Variants in RBFOX1 observed in about 807,000 individuals in gnomAD.
The protein encoded by RBFOX1 is RNA binding fox-1 homolog 1.
In RBFOX1, 8 loss-of-function variants were observed where a neutral mutation model predicts 57.7. That is an observed-to-expected ratio of 0.14 (90% CI 0.08 to 0.25). The LOEUF (loss-of-function observed/expected upper bound fraction) is 0.25. Among genes scored for constraint, RBFOX1 ranks in the 10% least tolerant of loss-of-function variants. The probability of loss-of-function intolerance (pLI) is 1.00; values close to 1 mark genes in which losing one functional copy is unlikely to be tolerated. For synonymous variants in RBFOX1, 326 were observed against 222.4 expected, an observed-to-expected ratio of 1.47 and a Z score of -4.15; for missense variants, 611 against 548.5, an observed-to-expected ratio of 1.11 and a Z score of -1.14.
intron 4 of RBFOX1, among the ~76,000 whole-genome samples, chr16:5,977,454 G>A (rs78019274): frequency 3.9e-5 from 6 of 152,270 alleles, no homozygotes; most frequent in Admixed American, 2.6e-4. Flanking sequence ...GCGGTGCAGG[G>A]GAGATTAGTT....
intron 2 of RBFOX1, among the ~76,000 whole-genome samples, chr16:6,530,871 GA>G (rs1379498163): frequency 1.3e-5 from 2 of 152,020 alleles, no homozygotes; most frequent in Admixed American, 6.6e-5. Context: ...GGAATTGTAA[GA>G]GATATAATTC....
At chr16:6,327,187 GTTA>G (rs945223878) in intron 2 of RBFOX1, among the ~76,000 whole-genome samples, 1 of 152,066 alleles carries the variant, frequency 6.6e-6, no homozygotes, top group Non-Finnish European at 1.5e-5. Context: ...TGTGATTTGT[GTTA>G]TTATTTCTTC....
chr16:6,764,090 A>G (rs1295329399), intron 3 of RBFOX1, among the ~76,000 whole-genome samples: 1 of 152,188 alleles, frequency 6.6e-6, no homozygotes, highest in Admixed American at 6.5e-5. Context: ...GTGATCTTAA[A>G]GGTATGTGCA....
At chr16:5,401,085 A>G (rs977041318) in intron 1 of RBFOX1, among the ~76,000 whole-genome samples, 15 of 152,220 alleles carry the variant, frequency 9.9e-5, no homozygotes, top group African/African-American at 2.9e-4. Context: ...AAGGTCATCA[A>G]TATATCTCAG....
At chr16:5,792,695 T>G (rs1430287198) in intron 3 of RBFOX1, among the ~76,000 whole-genome samples, 1 of 152,020 alleles carries the variant, frequency 6.6e-6, no homozygotes, top group East Asian at 1.9e-4. Flanking sequence ...ATACAAAAAC[T>G]AGCCGGGCAT....
intron 4 of RBFOX1, among the ~76,000 whole-genome samples, chr16:7,215,713 G>A (rs1235614986): frequency 6.9e-6 from 1 of 145,346 alleles, no homozygotes; most frequent in Non-Finnish European, 1.5e-5. Context: ...TCTAAGAATT[G>A]GCCTATTCTG....
chr16:7,298,993 G>A (rs1193498577), intron 4 of RBFOX1, among the ~76,000 whole-genome samples: 1 of 152,184 alleles, frequency 6.6e-6, no homozygotes, highest in African/African-American at 2.4e-5. Flanking sequence ...CAATGGTGGA[G>A]TGAATATCCT....
intron 2 of RBFOX1, among the ~76,000 whole-genome samples, chr16:6,422,667 A>T: frequency 6.6e-6 from 1 of 152,268 alleles, no homozygotes; most frequent in East Asian, 1.9e-4. Context: ...AAAAGAGAAC[A>T]AGAGGGGCGG....
chr16:6,466,220 A>T (rs1165860582), intron 2 of RBFOX1, among the ~76,000 whole-genome samples: 1 of 146,708 alleles, frequency 6.8e-6, no homozygotes, highest in East Asian at 2.0e-4. Context: ...ACAGATTAAA[A>T]CTCTATCTCA....
intron 14 of RBFOX1, among the ~76,000 whole-genome samples, chr16:7,677,128 C>A (rs1466443062): frequency 7.3e-6 from 1 of 136,876 alleles, no homozygotes; most frequent in Admixed American, 7.6e-5. Context: ...TGCTCACATA[C>A]ACATACACAC....
chr16:6,735,403 A>G (rs1057512183), intron 3 of RBFOX1, among the ~76,000 whole-genome samples: 1 of 152,162 alleles, frequency 6.6e-6, no homozygotes, highest in Admixed American at 6.5e-5. Flanking sequence ...AGGATTGGAA[A>G]ATTGTAAATA....
chr16:7,618,994 C>T (rs1017308404), intron 10 of RBFOX1, among the ~76,000 whole-genome samples: 2 of 152,268 alleles, frequency 1.3e-5, no homozygotes, highest in East Asian at 3.9e-4. Flanking sequence ...ATGCCGTATG[C>T]TACGTTCTAA....
At chr16:5,588,085 G>T (rs956385126) in intron 2 of RBFOX1, among the ~76,000 whole-genome samples, 5 of 152,176 alleles carry the variant, frequency 3.3e-5, no homozygotes, top group African/African-American at 1.2e-4. Context: ...GGAACATGAT[G>T]CTGAGAGAAA....
chr16:6,326,134 C>T (rs1486417067), intron 2 of RBFOX1, among the ~76,000 whole-genome samples: 1 of 152,206 alleles, frequency 6.6e-6, no homozygotes, highest in Non-Finnish European at 1.5e-5. Context: ...CATGGTGGTA[C>T]ATTCTAGCTC....
At chr16:6,020,737 G>A (rs1596437370) in intron 1 of RBFOX1, among the ~76,000 whole-genome samples, 4 of 152,292 alleles carry the variant, frequency 2.6e-5, no homozygotes, top group Admixed American at 2.6e-4. Flanking sequence ...CAATTGTCCA[G>A]CTATGGAAGC....
chr16:7,323,001 A>G (rs1039063977), intron 4 of RBFOX1, among the ~76,000 whole-genome samples: 6 of 151,908 alleles, frequency 3.9e-5, no homozygotes, highest in African/African-American at 1.5e-4. Context: ...TCCAGCCATC[A>G]AAGTCTTCTC....
intron 4 of RBFOX1, among the ~76,000 whole-genome samples, chr16:7,127,010 CAAA>C (rs4035897): frequency 8.4e-4 from 109 of 129,148 alleles, no homozygotes; most frequent in Non-Finnish European, 8.5e-4. Flanking sequence ...GAATCCGTCT[CAAA>C]AAAAAAAAAA....
intron 3 of RBFOX1, among the ~76,000 whole-genome samples, chr16:6,774,880 A>C (rs1419071898): frequency 6.6e-6 from 1 of 152,088 alleles, no homozygotes; most frequent in East Asian, 1.9e-4. Context: ...CTTTTAAAAT[A>C]ATTTTAGTTA....
intron 3 of RBFOX1, among the ~76,000 whole-genome samples, chr16:6,763,929 G>T (rs774145746): frequency 6.6e-6 from 1 of 152,140 alleles, no homozygotes; most frequent in Non-Finnish European, 1.5e-5. Context: ...ATGTCCTATG[G>T]TTCCCAATAT....
Sources: allele counts gnomAD v4.1 joint callset (sites outside exome capture counted in the v4.1 genomes callset), GRCh38; gene constraint gnomAD v4.1.1; transcripts MANE v1.5; gene names NCBI Gene and HGNC (gene_info 2026-07-23, HGNC 2026-07-21).